SLC8A1: variants seen among roughly 807,000 people sequenced by gnomAD.
The protein encoded by SLC8A1 is sodium/calcium exchanger 1.
A neutral mutation model predicts 68.3 loss-of-function variants in SLC8A1; 18 were observed. The observed-to-expected ratio is 0.26, with a 90% confidence interval of 0.18 to 0.39. The LOEUF (loss-of-function observed/expected upper bound fraction) is 0.39. Ranked by LOEUF, SLC8A1 falls within the 10% of genes least tolerant of loss-of-function variation. The pLI is 1.00. For synonymous variants in SLC8A1, 475 were observed against 415.5 expected (o/e 1.14, Z -1.74); for missense variants, 985 against 1,156.7 (o/e 0.85, Z 2.15).
At chr2:40,346,388 G>C (rs937416049) in intron 2 of SLC8A1, among the ~76,000 whole-genome samples, 1 of 152,164 alleles carries the variant, frequency 6.6e-6, no homozygotes, top group Non-Finnish European at 1.5e-5. Context: ...GGACTTGTTA[G>C]AAATATATAT....
In SLC8A1 at chr2:40,115,759, A is replaced by G. The variant is rs545745311; in HGVS notation, c.2438-130T>C. ...ACCCAGTGACCAAGAAATGGCTTTG[A>G]TGTTCCTCTGAGTCAGACTCATGGG... is the stretch of plus-strand genomic sequence containing the variant. On this transcript the variant is annotated intron_variant, in intron 7 of 7. Transcript: ENST00000406785. 1.7e-3 allele frequency: 2,143 copies of G among 1,227,580 alleles called. 3 individuals are homozygous for G. Among genetic ancestry groups the G allele is most frequent in the Non-Finnish European group, 2.0e-3 (1,791 of 894,154 alleles). 76.0% of individuals were successfully genotyped at this position (1,227,580 alleles called of 1,614,324 possible). A position where few individuals can be genotyped will look rare whatever the true frequency, so the allele number is the denominator to read the frequency against.
At chr2:40,138,739 T>C (rs530634068) in intron 7 of SLC8A1, among the ~76,000 whole-genome samples, 1 of 152,320 alleles carries the variant, frequency 6.6e-6, no homozygotes, top group Non-Finnish European at 1.5e-5. Context: ...CAATGTTGTT[T>C]GGGAAGATGA....
chr2:40,229,316 C>G (rs1378463728), intron 2 of SLC8A1, among the ~76,000 whole-genome samples: 1 of 151,996 alleles, frequency 6.6e-6, no homozygotes, highest in Non-Finnish European at 1.5e-5. Flanking sequence ...ATGAAAATGC[C>G]ACTGTTCAAC....
At chr2:40,360,277 A>C (rs1026678822) in intron 2 of SLC8A1, among the ~76,000 whole-genome samples, 1 of 152,216 alleles carries the variant, frequency 6.6e-6, no homozygotes, top group East Asian at 1.9e-4. Context: ...CAAGAGGTAG[A>C]GCCAAGTGCC....
At chr2:40,390,808 A>G (rs1685018527) in intron 2 of SLC8A1, among the ~76,000 whole-genome samples, 1 of 152,142 alleles carries the variant, frequency 6.6e-6, no homozygotes, top group Non-Finnish European at 1.5e-5. Flanking sequence ...AATCACTCCA[A>G]GTGAGCTTAA....
exon 8 of SLC8A1, chr2:40,113,049 T>A (rs1038559324): frequency 6.6e-6 from 1 of 152,352 alleles, no homozygotes; most frequent in Non-Finnish European, 1.5e-5. Context: ...ATGAAAATAG[T>A]AATCACATAA....
chr2:40,157,627 G>A (rs984377248), intron 6 of SLC8A1, among the ~76,000 whole-genome samples: 2 of 152,140 alleles, frequency 1.3e-5, no homozygotes, highest in Admixed American at 6.5e-5. Context: ...TTCTGCCCTG[G>A]TAGAAGGAGA....
chr2:40,487,935 A>G lies in SLC8A1; in HGVS notation c.-25+24414T>C, dbSNP rs565107833. Reference sequence around the variant, plus strand: ...ACCATTTAATCTCTGATACCACTTCATGGAAAAACGATACTACCAGCCACA... The same window carrying G: ...ACCATTTAATCTCTGATACCACTTCGTGGAAAAACGATACTACCAGCCACA... On this transcript the variant is annotated intron_variant, in intron 1 of 7. Coordinates refer to the SLC8A1 transcript ENST00000402441. 3.9e-5 allele frequency among the ~76,000 whole-genome samples: 6 copies of G among 152,296 alleles called. No homozygotes were observed. The South Asian group carries it at 1.2e-3, about 32-fold the overall frequency.
At chr2:40,433,182 T>A (rs925006909) in intron 1 of SLC8A1, among the ~76,000 whole-genome samples, 4 of 152,108 alleles carry the variant, frequency 2.6e-5, no homozygotes, top group African/African-American at 9.7e-5. Flanking sequence ...TTAAAACTCT[T>A]CATTGGTTTC....
intron 2 of SLC8A1, among the ~76,000 whole-genome samples, chr2:40,207,316 C>G (rs1366772839): frequency 1.3e-5 from 2 of 152,046 alleles, no homozygotes; most frequent in East Asian, 1.9e-4. Context: ...CCATTATCCC[C>G]GAAGCAGTGT....
At chr2:40,106,876 T>C (rs2034231975) in exon 8 of SLC8A1, 1 of 152,188 alleles carries the variant, frequency 6.6e-6, no homozygotes, top group African/African-American at 2.4e-5. Flanking sequence ...TAGTTTCCAA[T>C]AACTTGGTAT....
Position 40,439,868 on chromosome 2 carries a change from T to A in SLC8A1, c.-24-9564A>T, listed in dbSNP as rs1371874031. Among the ~76,000 whole-genome samples, 4 of 152,240 alleles carry A rather than the reference T, an allele frequency of 2.6e-5. No homozygotes were observed. The East Asian group carries it at 7.7e-4, about 29-fold the overall frequency. On this transcript the variant is annotated intron_variant, in intron 1 of 7. Coordinates refer to ENST00000406785, the Ensembl canonical transcript of SLC8A1. ...TGATGGGTGCTCACATAAGGGTGAC[T>A]CTCCATCAGTGTTGTATGCTACAAT...
intron 1 of SLC8A1, among the ~76,000 whole-genome samples, chr2:40,438,227 C>A (rs2149816191): frequency 6.6e-6 from 1 of 152,170 alleles, no homozygotes; most frequent in East Asian, 1.9e-4. Context: ...CACCACTAAC[C>A]CTGAAGAGAA....
At chr2:40,157,635 A>T (rs756931644) in intron 6 of SLC8A1, among the ~76,000 whole-genome samples, 2 of 152,172 alleles carry the variant, frequency 1.3e-5, no homozygotes, top group Non-Finnish European at 2.9e-5. Context: ...TGGTAGAAGG[A>T]GAGAGATTTG....
intron 6 of SLC8A1, among the ~76,000 whole-genome samples, chr2:40,157,336 C>A (rs543827227): frequency 1.3e-4 from 19 of 141,978 alleles, no homozygotes; most frequent in Non-Finnish European, 2.0e-4. Context: ...GAGGTGTGAG[C>A]GAACTGAGAT....
chr2:40,191,434 G>C (rs2051818153), intron 2 of SLC8A1, among the ~76,000 whole-genome samples: 2 of 152,150 alleles, frequency 1.3e-5, no homozygotes, highest in Admixed American at 1.3e-4. Context: ...AGACAATTTA[G>C]CTATTTACTG....
intron 2 of SLC8A1, among the ~76,000 whole-genome samples, chr2:40,206,294 A>C (rs2148742125): frequency 6.6e-6 from 1 of 152,164 alleles, no homozygotes; most frequent in Non-Finnish European, 1.5e-5. Flanking sequence ...CAACTTCTAG[A>C]ATCAAAAGAT....
Position 40,249,359 on chromosome 2 carries a change from T to A in SLC8A1, c.1809-71504A>T, listed in dbSNP as rs542434338. Among the ~76,000 whole-genome samples the A allele has an allele frequency of 1.1e-4, 17 of 152,324 alleles. No individual in the cohort carries two copies. The East Asian group carries it at 2.9e-3, about 26-fold the overall frequency. ...AGTGGTTGCAAAACTTTTAAGTATT[T>A]TTACTTTAAAAAAAGGATAGAAACA... On this transcript the variant is annotated intron_variant, in intron 2 of 7. Coordinates refer to ENST00000406785, the Ensembl canonical transcript of SLC8A1.
intron 6 of SLC8A1, among the ~76,000 whole-genome samples, chr2:40,158,576 G>T (rs1033316198): frequency 6.6e-6 from 1 of 152,148 alleles, no homozygotes; most frequent in African/African-American, 2.4e-5. Flanking sequence ...CTCTAGGCAG[G>T]AGTTAGTTCC....
Sources: allele counts gnomAD v4.1 joint callset (sites outside exome capture counted in the v4.1 genomes callset), GRCh38; gene constraint gnomAD v4.1.1; transcripts MANE v1.5; gene names NCBI Gene and HGNC (gene_info 2026-07-23, HGNC 2026-07-21).